Variants in ZC3HAV1L observed in about 807,000 individuals in gnomAD.
ZC3HAV1L encodes zinc finger CCCH-type antiviral protein 1-like.
In ZC3HAV1L, 23 loss-of-function variants were observed where a neutral mutation model predicts 28.2. That is an observed-to-expected ratio of 0.82 (90% CI 0.59 to 1.16). ZC3HAV1L has a LOEUF of 1.16. Ranked by LOEUF, ZC3HAV1L falls within the 50% of genes most tolerant of loss-of-function variation. The pLI is 0.00. For missense variants in ZC3HAV1L, 376 were observed against 387.7 expected (o/e 0.97, Z 0.25); for synonymous variants, 180 against 163.4 (o/e 1.10, Z -0.78).
Position 139,034,589 on chromosome 7 carries a change from T to C in ZC3HAV1L, c.455A>G (p.Gln152Arg). The C allele has an allele frequency of 6.2e-7, 1 of 1,614,126 alleles. No individual in the cohort carries two copies. Among genetic ancestry groups the C allele is most frequent in the Non-Finnish European group, 8.5e-7 (1 of 1,180,002 alleles). ...ATTCTGCAAAAGCAGGATCCGAAGC[T>C]GGTTTTCATTGAGACCAAAAAGTCC... is the stretch of plus-strand genomic sequence containing the variant. ...SHGLFGLNEN[Q>R]LRILLLQNDP... The change falls in exon 2 of 5, where the codon CAG becomes CGG. Residue 152 changes from glutamine (Q) to arginine (R), a missense_variant. Gln to Arg is a conservative substitution (Grantham distance 43). Coordinates refer to ENST00000275766, the MANE Select transcript of ZC3HAV1L (RefSeq NM_080660.4).
chr7:139,029,655 T>G lies in ZC3HAV1L; in HGVS notation c.502-695A>C, dbSNP rs79032260. Among the ~76,000 whole-genome samples, 6 of 152,190 alleles carry G rather than the reference T, an allele frequency of 3.9e-5. No individual in the cohort carries two copies. In the East Asian group the frequency reaches 1.2e-3, roughly 29 times the overall value. On this transcript the variant is annotated intron_variant, in intron 2 of 4. Transcript: ENST00000275766. The stretch of plus-strand genomic sequence containing the variant: ...TGAATGAAGTCAAGGCCAGACCTTA[T>G]GTGCTTGTAGCTTTTCCTTCCTTAG...
chr7:139,030,643 A>G (rs1288993193), intron 2 of ZC3HAV1L, among the ~76,000 whole-genome samples: 1 of 151,902 alleles, frequency 6.6e-6, no homozygotes, highest in Non-Finnish European at 1.5e-5. Context: ...CCTGGCCAAT[A>G]TGGTGAAACC....
At chr7:139,021,720 T>C (rs146192544), downstream of ZC3HAV1L, among the ~76,000 whole-genome samples, 946 of 152,142 alleles carry the variant, frequency 6.2e-3, 8 homozygotes, top group African/African-American at 0.021. Context: ...GCTTTTAGCT[T>C]CCAACAAACA....
At chr7:139,028,351 C>T (rs1051397356) in intron 3 of ZC3HAV1L, among the ~76,000 whole-genome samples, 6 of 136,430 alleles carry the variant, frequency 4.4e-5, no homozygotes, top group South Asian at 2.3e-4. Context: ...CTAGCCTGGG[C>T]GACAGACTGA....
At chr7:139,033,198 C>CAAA (rs11407392) in intron 2 of ZC3HAV1L, among the ~76,000 whole-genome samples, 2 of 145,708 alleles carry the variant, frequency 1.4e-5, no homozygotes, top group Admixed American at 6.9e-5. Flanking sequence ...GACCCTGTCT[C>CAAA]AAAAAAAAAA....
downstream of ZC3HAV1L, among the ~76,000 whole-genome samples, chr7:139,024,421 C>A (rs1297228874): frequency 6.6e-6 from 1 of 152,074 alleles, no homozygotes; most frequent in Non-Finnish European, 1.5e-5. Context: ...TGCATTTATA[C>A]CCTACACTGT....
chr7:139,026,790 C>A lies in ZC3HAV1L; in HGVS notation c.804G>T (p.Lys268Asn). 6.2e-7 allele frequency: 1 copy of A among 1,614,154 alleles called. No individual in the cohort carries two copies. Among genetic ancestry groups the A allele is most frequent in the South Asian group, 1.1e-5 (1 of 91,066 alleles). ...PSTEHSQGLE[K>N]QGVHAAGAAE... ...CAGCTCCAGCTGCGTGCACTCCTTG[C>A]TTCTCAAGGCCTTGTGAATGCTCAG... is the stretch of plus-strand genomic sequence containing the variant. The change falls in exon 4 of 5, where the codon AAG becomes AAT. Residue 268 changes from lysine to asparagine, a missense_variant. By Grantham distance (94) the Lys-to-Asn change is moderately conservative. Transcript: ENST00000275766.
intron 3 of ZC3HAV1L, among the ~76,000 whole-genome samples, 176 bp downstream of exon 3, chr7:139,028,526 C>G (rs377471210): frequency 2.6e-5 from 4 of 152,090 alleles, no homozygotes; most frequent in Non-Finnish European, 5.9e-5. Flanking sequence ...TTAGGATCAC[C>G]GTTCTATACA....
intron 1 of ZC3HAV1L, 142 bp downstream of exon 1, chr7:139,035,495 GGAGGACGCCCAGGAAA>G: frequency 1.0e-6 from 1 of 985,426 alleles, no homozygotes; most frequent in Non-Finnish European, 1.2e-6. Context: ...GAAGCGCGGG[GGAGGACGCCCAGGAAA>G]GGCCTGCGGG....
Position 139,028,964 on chromosome 7 carries a change from G to C in ZC3HAV1L, c.502-4C>G. On this transcript the variant is annotated splice_polypyrimidine_tract_variant and splice_region_variant and intron_variant, in intron 2 of 4. Transcript: ENST00000275766. ...CTTTGTTGTAGAGCAAACAGACCTG[G>C]TACAGAAATGAGGGAACACCTGAAA... 1 of 1,609,558 alleles carries C rather than the reference G, an allele frequency of 6.2e-7. No homozygotes were observed. The highest frequency in any genetic ancestry group is 8.5e-7 in the Non-Finnish European group (1 of 1,177,006).
At chr7:139,032,253 A>G (rs1310630561) in intron 2 of ZC3HAV1L, among the ~76,000 whole-genome samples, 4 of 152,198 alleles carry the variant, frequency 2.6e-5, no homozygotes, top group African/African-American at 7.2e-5. Context: ...TAAGGAGAAT[A>G]GGGATATGTA....
chr7:139,028,667 G>A (rs775268150), intron 3 of ZC3HAV1L, 35 bp downstream of exon 3: 72 of 1,599,608 alleles, frequency 4.5e-5, no homozygotes, highest in Non-Finnish European at 5.8e-5. Flanking sequence ...AAACCATATC[G>A]CTGATACTTC....
At position 139,026,174 on chromosome 7, in the gene ZC3HAV1L, C is replaced by G. The variant is rs1179243930; in HGVS notation, c.*370G>C. 2 of 199,292 alleles carry G rather than the reference C, an allele frequency of 1.0e-5. No homozygotes were observed. Among genetic ancestry groups the G allele is most frequent in the Non-Finnish European group, 9.9e-6 (1 of 100,624 alleles). 12.3% of individuals were successfully genotyped at this position (199,292 alleles called of 1,614,324 possible). A position where few individuals can be genotyped will look rare whatever the true frequency, so the allele number is the denominator to read the frequency against. On this transcript the variant is annotated 3_prime_UTR_variant, in exon 5 of 5. Transcript: ENST00000275766. ...AGAAAAAGCCAAGTAGTTAAACAAA[C>G]TATGATAATATTAATGTATCTGTGC...
At chr7:139,026,605 A>G in intron 4 of ZC3HAV1L, 45 bp from the exon 5 acceptor site, 3 of 1,612,148 alleles carry the variant, frequency 1.9e-6, no homozygotes, top group Non-Finnish European at 2.5e-6. Context: ...CTATCATTAA[A>G]TGAATGAATG....
At chr7:139,034,909 G>A in intron 1 of ZC3HAV1L, 1 of 985,380 alleles carries the variant, frequency 1.0e-6, no homozygotes. Flanking sequence ...TGAAGCCAAG[G>A]GTCGCCCACC....
rs77190975 is a variant in ZC3HAV1L, at chr7:139,033,834, G to T, written c.501+709C>A. The stretch of plus-strand genomic sequence containing the variant: ...GGAAGGACTGGACCCAGCCTCATAG[G>T]TGCAGCCACCCTCCTCTCCCTTCCT... On this transcript the variant is annotated intron_variant, in intron 2 of 4. Coordinates refer to ENST00000275766, the MANE Select transcript of ZC3HAV1L (RefSeq NM_080660.4). 4,286 of 985,412 alleles carry T rather than the reference G, an allele frequency of 4.3e-3. 128 individuals are homozygous for T. In the African/African-American group the frequency reaches 0.071, roughly 16 times the overall value. 61.0% of individuals were successfully genotyped at this position (985,412 alleles called of 1,614,324 possible).
At chr7:139,023,910 A>T (rs1032438977), downstream of ZC3HAV1L, among the ~76,000 whole-genome samples, 3 of 152,190 alleles carry the variant, frequency 2.0e-5, no homozygotes, top group Non-Finnish European at 4.4e-5. Context: ...TGAGGGGAAG[A>T]AACTCTCCAA....
chr7:139,023,182 G>GAAAAAAAAAAAA (rs565321825), downstream of ZC3HAV1L, among the ~76,000 whole-genome samples: 1,323 of 102,858 alleles, frequency 0.013, 15 homozygotes, highest in Non-Finnish European at 0.016. Flanking sequence ...AAGGAAAAAA[G>GAAAAAAAAAAAA]AAAAAAAAAA....
At chr7:139,034,779 G>A (rs1584823458) in intron 1 of ZC3HAV1L, 101 bp from the exon 2 acceptor site, 3 of 1,487,890 alleles carry the variant, frequency 2.0e-6, no homozygotes, top group East Asian at 2.3e-5. Flanking sequence ...TACATGTGAA[G>A]TTGAGTAATT....
Sources: gnomAD v4.1 joint callset for allele counts (sites outside exome capture counted in the v4.1 genomes callset) on GRCh38, gnomAD v4.1.1 for gene constraint, MANE v1.5 for transcripts, NCBI Gene and HGNC (gene_info 2026-07-23, HGNC 2026-07-21) for gene names.